SLC25A25: variants seen among roughly 807,000 people sequenced by gnomAD.
The protein encoded by SLC25A25 is solute carrier family 25 member 25.
A neutral mutation model predicts 57.7 loss-of-function variants in SLC25A25; 32 were observed. The observed-to-expected ratio is 0.55, with a 90% CI of 0.42 to 0.74. The LOEUF is 0.74. Ranked by LOEUF, SLC25A25 falls within the 30% of genes least tolerant of loss-of-function variation. The probability of loss-of-function intolerance (pLI) is 0.00; values close to 1 mark genes in which losing one functional copy is unlikely to be tolerated. For synonymous variants in SLC25A25, 306 were observed against 291.2 expected (o/e 1.05, Z -0.52); for missense variants, 556 against 701.3 (o/e 0.79, Z 2.34).
rs1351934722 is a variant in SLC25A25, at chr9:128,101,925, G to A, written c.477-155G>A. ...CGGTCTGAACACTGGCTGGTCCTCG[G>A]GGACAGCAGCCCTGGGCTCAGCTGC... On this transcript the variant is annotated intron_variant, in intron 3 of 10. Transcript: ENST00000373069. This position sits in a 1 kb window ranked among gnomAD's most constrained non-coding sequence, Gnocchi z 4.9. 6.6e-6 allele frequency among the ~76,000 whole-genome samples: 1 copy of A among 152,202 alleles called. No homozygotes were observed. The highest frequency in any genetic ancestry group is 2.1e-4 in the South Asian group (1 of 4,834).
Position 128,107,214 on chromosome 9 carries a change from G to A in SLC25A25, c.1363+35G>A, listed in dbSNP as rs372690584. The A allele has an allele frequency of 4.3e-5, 70 of 1,612,008 alleles. No individual in the cohort carries two copies. In the Admixed American group the frequency reaches 4.8e-4, roughly 11 times the overall value. On this transcript the variant is annotated intron_variant, in intron 10 of 10. Coordinates refer to ENST00000373069, the MANE Select transcript of SLC25A25 (RefSeq NM_001330988.2). ...GCCCTGGACAGTCCCCTGGGAGGTC[G>A]GGGGGAGCGGACAGAAGCATCTGAC...
Position 128,108,375 on chromosome 9 carries a change from T to C in SLC25A25, c.*931T>C, listed in dbSNP as rs1834136024. ...CCGGACAAATGAGCGACTTCTGTGC[T>C]TCCAGAGGAAGACGAGGGAGCAGGA... On this transcript the variant is annotated 3_prime_UTR_variant, in exon 11 of 11. Transcript: ENST00000373069. 6 of 397,784 alleles carry C rather than the reference T, an allele frequency of 1.5e-5. No homozygotes were observed. The South Asian group carries it at 5.7e-4, about 38-fold the overall frequency. 24.6% of individuals were successfully genotyped at this position (397,784 alleles called of 1,614,324 possible).
Position 128,068,305 on chromosome 9 carries a change from C to T in SLC25A25, c.-15C>T, listed in dbSNP as rs112610099. On this transcript the variant is annotated 5_prime_UTR_variant, in exon 1 of 11. Transcript: ENST00000373069. The stretch of plus-strand genomic sequence containing the variant: ...CCCGCTCCCGCCCGCGCCCGGAGCC[C>T]CTGCCTCGCGCCCGATGGTGAGCAG... The T allele has an allele frequency of 5.6e-5, 77 of 1,366,212 alleles. No individual in the cohort carries two copies. The highest frequency in any genetic ancestry group is 6.4e-5 in the Non-Finnish European group (68 of 1,058,304). The allele number at this position is 1,366,212 out of a possible 1,614,324, so 84.6% of individuals were successfully genotyped here.
chr9:128,091,974 C>T, intron 1 of SLC25A25: 3 of 1,613,956 alleles, frequency 1.9e-6, no homozygotes, highest in Middle Eastern at 1.6e-4. Context: ...ACCCCAGCCC[C>T]TGCCTGGAGA....
At chr9:128,098,823 A>T (rs969107891) in intron 1 of SLC25A25, 2 of 1,531,394 alleles carry the variant, frequency 1.3e-6, no homozygotes, top group Non-Finnish European at 1.8e-6. Context: ...CTGAGAGGAA[A>T]GAATGTCTGA....
intron 1 of SLC25A25, among the ~76,000 whole-genome samples, chr9:128,078,354 G>A (rs770930368): frequency 1.3e-5 from 2 of 151,856 alleles, no homozygotes; most frequent in Non-Finnish European, 2.9e-5. Flanking sequence ...AGGCAAGGGA[G>A]GGCAAAGCCT....
At position 128,092,214 on chromosome 9, in the gene SLC25A25, G is replaced by A. The variant is rs950876982; in HGVS notation, c.262-8882G>A. ...GTTAGTTCGGGGTTCAGGGAGAAGT[G>A]GTAGGCAATGAGGAAGCCCACAAAT... On this transcript the variant is annotated intron_variant, in intron 1 of 10. Transcript: ENST00000373069. 8.0e-6 allele frequency: 10 copies of A among 1,253,834 alleles called. No individual in the cohort carries two copies. In the Admixed American group the frequency reaches 1.1e-4, roughly 13 times the overall value. 77.7% of individuals were successfully genotyped at this position (1,253,834 alleles called of 1,614,324 possible). A position where few individuals can be genotyped will look rare whatever the true frequency, so the allele number is the denominator to read the frequency against.
Position 128,103,819 on chromosome 9 carries a change from A to G in SLC25A25, c.763A>G (p.Arg255Gly). The change falls in exon 6 of 11, where the codon AGG becomes GGG. Residue 255 changes from arginine (R) to glycine (G), a missense_variant. Coordinates refer to ENST00000373069, the MANE Select transcript of SLC25A25 (RefSeq NM_001330988.2). This position sits in a 1 kb window ranked among gnomAD's most constrained non-coding sequence, Gnocchi z 6.7. ...VSRTCTAPLD[R>G]LKVLMQVHAS... ...CAGAACCTGCACGGCCCCCCTGGAC[A>G]GGCTCAAGGTGCTCATGCAGGTATG... 1 of 1,605,004 alleles carries G rather than the reference A, an allele frequency of 6.2e-7. No homozygotes were observed. The highest frequency in any genetic ancestry group is 8.5e-7 in the Non-Finnish European group (1 of 1,175,326).
In SLC25A25 at chr9:128,106,139, C is replaced by T; in HGVS notation, c.937-11C>T. Reference sequence around the variant, plus strand: ...GGGTATATCAGGTGGTTTGTTTGTTCCTGGTTCTAGATCAAGCGCCTTGTT... The same window carrying T: ...GGGTATATCAGGTGGTTTGTTTGTTTCTGGTTCTAGATCAAGCGCCTTGTT... On this transcript the variant is annotated splice_polypyrimidine_tract_variant and intron_variant, in intron 7 of 10. Coordinates refer to ENST00000373069, the MANE Select transcript of SLC25A25 (RefSeq NM_001330988.2). 1.2e-6 allele frequency: 2 copies of T among 1,614,164 alleles called. No individual in the cohort carries two copies. Among genetic ancestry groups the T allele is most frequent in the Non-Finnish European group, 1.7e-6 (2 of 1,180,010 alleles).
chr9:128,102,242 T>C lies in SLC25A25; in HGVS notation c.512+127T>C. The C allele has an allele frequency of 1.4e-6, 2 of 1,404,802 alleles. No individual in the cohort carries two copies. The highest frequency in any genetic ancestry group is 1.2e-5 in the South Asian group (1 of 81,534). The allele number at this position is 1,404,802 out of a possible 1,614,324, so 87.0% of individuals were successfully genotyped here. On this transcript the variant is annotated intron_variant, in intron 4 of 10. Transcript: ENST00000373069. This position sits in a 1 kb window ranked among gnomAD's most constrained non-coding sequence, Gnocchi z 4.1. ...GTGTGGAGCCCCCTGCTCTTTCTCCTGGGGGCAGAGGCACCTCGTGTGGTT... is the reference window on the plus strand; with the variant it reads ...GTGTGGAGCCCCCTGCTCTTTCTCCCGGGGGCAGAGGCACCTCGTGTGGTT...
chr9:128,109,239 A>C lies in SLC25A25; in HGVS notation c.*1795A>C, dbSNP rs77244294. The C allele has an allele frequency of 1.3e-5, 2 of 152,610 alleles. No individual in the cohort carries two copies. Among genetic ancestry groups the C allele is most frequent in the Non-Finnish European group, 2.9e-5 (2 of 68,112 alleles). The allele number at this position is 152,610 out of a possible 1,614,324, so 9.5% of individuals were successfully genotyped here. On this transcript the variant is annotated 3_prime_UTR_variant, in exon 11 of 11. Transcript: ENST00000373069. ...GCAGCCTTCTAATAAAGTTGTTTCA[A>C]AGCTGATCATGGAGCCAGTATTTTT...
rs1383662269 is a variant in SLC25A25, at chr9:128,102,082, T to A, written c.479T>A (p.Ile160Lys). 1 of 1,550,604 alleles carries A rather than the reference T, an allele frequency of 6.4e-7. No homozygotes were observed. Residue 160 changes from isoleucine (I) to lysine (K), a missense_variant and splice_region_variant, in exon 4 of 11, where the codon ATA (isoleucine) becomes AAA (lysine). Physicochemically the swap from Ile to Lys is moderately radical, Grantham distance 102. Coordinates refer to ENST00000373069, the MANE Select transcript of SLC25A25 (RefSeq NM_001330988.2). This position sits in a 1 kb window ranked among gnomAD's most constrained non-coding sequence, Gnocchi z 4.1. Reference sequence around the variant, plus strand: ...CGCATCCTTTGTCTGTCTGTCAGAATACGAACGGGCCATTTCTGGGGCCCT... The same window carrying A: ...CGCATCCTTTGTCTGTCTGTCAGAAAACGAACGGGCCATTTCTGGGGCCCT... ...EQQAEKILKR[I>K]RTGHFWGPVT...
chr9:128,069,792 C>G (rs1832860463), intron 1 of SLC25A25, among the ~76,000 whole-genome samples: 1 of 152,194 alleles, frequency 6.6e-6, no homozygotes, highest in African/African-American at 2.4e-5. Flanking sequence ...GGTTCTGTCT[C>G]CCAGGCTGGA....
rs1294372988 is a variant in SLC25A25, at chr9:128,068,341, C to T, written c.22C>T (p.Arg8Cys). Reference protein sequence around the residue: MVSSVLCRCVASPPPDAA... With the variant: MVSSVLCCCVASPPPDAA... ...CCCGATGGTGAGCAGTGTGTTGTGC[C>T]GCTGTGTGGCCTCCCCGCCGCCGGA... Residue 8 changes from arginine to cysteine, a missense_variant, in exon 1 of 11, where the codon CGC becomes TGC. This residue lies in a region of SLC25A25 where 248 missense variants were observed against 273.5 expected (regional missense o/e 0.91). Coordinates refer to ENST00000373069, the MANE Select transcript of SLC25A25 (RefSeq NM_001330988.2). 6.5e-7 allele frequency: 1 copy of T among 1,531,590 alleles called. No homozygotes were observed. The highest frequency in any genetic ancestry group is 2.0e-5 in the Admixed American group (1 of 50,772). 94.9% of individuals were successfully genotyped at this position (1,531,590 alleles called of 1,614,324 possible).
At chr9:128,080,088 G>A (rs1406985627) in intron 1 of SLC25A25, among the ~76,000 whole-genome samples, 2 of 151,198 alleles carry the variant, frequency 1.3e-5, no homozygotes, top group Non-Finnish European at 3.0e-5. Flanking sequence ...AGGAGGGGCC[G>A]GGCATGGTGG....
In SLC25A25 at chr9:128,101,563, C is replaced by T. The variant is rs563469804; in HGVS notation, c.476+167C>T. 6.6e-6 allele frequency among the ~76,000 whole-genome samples: 1 copy of T among 152,354 alleles called. No homozygotes were observed. Among genetic ancestry groups the T allele is most frequent in the East Asian group, 1.9e-4 (1 of 5,190 alleles). On this transcript the variant is annotated intron_variant, in intron 3 of 10. Coordinates refer to ENST00000373069, the MANE Select transcript of SLC25A25 (RefSeq NM_001330988.2). This position sits in a 1 kb window ranked among gnomAD's most constrained non-coding sequence, Gnocchi z 4.9. ...GGAGGCCAGCCCCTCCCCAGGGTTG[C>T]AGGCCTGCTTTCATTGGAAGAATCA... is the stretch of plus-strand genomic sequence containing the variant.
rs10760538 is a variant in SLC25A25, at chr9:128,108,996, A to G, written c.*1552A>G. On this transcript the variant is annotated 3_prime_UTR_variant, in exon 11 of 11. Coordinates refer to ENST00000373069, the MANE Select transcript of SLC25A25 (RefSeq NM_001330988.2). Reference sequence around the variant, plus strand: ...CGGGGGCTGGAGGAGAGGGTGGGGGACTGGCTCCGTCCCTCCCAGCCTTCT... The same window carrying G: ...CGGGGGCTGGAGGAGAGGGTGGGGGGCTGGCTCCGTCCCTCCCAGCCTTCT... The G allele has an allele frequency of 0.99, 150,599 of 151,840 alleles. 74,694 individuals are homozygous for G. Among genetic ancestry groups the G allele is most frequent in the Middle Eastern group, 1 (294 of 294 alleles). The allele number at this position is 151,840 out of a possible 1,614,324, so 9.4% of individuals were successfully genotyped here.
rs571304232 is a variant in SLC25A25, at chr9:128,093,362, A to G, written c.262-7734A>G. Among the ~76,000 whole-genome samples, 6 of 152,318 alleles carry G rather than the reference A, an allele frequency of 3.9e-5. No individual in the cohort carries two copies. In the South Asian group the frequency reaches 1.2e-3, roughly 32 times the overall value. On this transcript the variant is annotated intron_variant, in intron 1 of 10. Transcript: ENST00000373069. The stretch of plus-strand genomic sequence containing the variant: ...CTTTGTGAGGAACTTTTATCTATAG[A>G]CCTGCTTGCCTTATTACTACCTCGA...
Position 128,091,635 on chromosome 9 carries a change from T to C in SLC25A25, c.262-9461T>C, listed in dbSNP as rs148678324. The C allele has an allele frequency of 1.2e-4, 141 of 1,192,880 alleles. No individual in the cohort carries two copies. The East Asian group carries it at 3.7e-3, about 31-fold the overall frequency. The allele number at this position is 1,192,880 out of a possible 1,614,324, so 73.9% of individuals were successfully genotyped here. A position where few individuals can be genotyped will look rare whatever the true frequency, so the allele number is the denominator to read the frequency against. On this transcript the variant is annotated intron_variant, in intron 1 of 10. Transcript: ENST00000373069. Reference sequence around the variant, plus strand: ...TATTGAAGAAGCTCCAGCTGCTTTCTCCTTATTGCCGGCAGCCTGGCAAGC... The same window carrying C: ...TATTGAAGAAGCTCCAGCTGCTTTCCCCTTATTGCCGGCAGCCTGGCAAGC...
Sources: gnomAD v4.1 joint callset for allele counts (sites outside exome capture counted in the v4.1 genomes callset) on GRCh38, gnomAD v4.1.1 for gene constraint, gnomAD v4.1.1 regional missense constraint, Gnocchi (gnomAD v3.1) non-coding constraint, MANE v1.5 for transcripts, NCBI Gene and HGNC (gene_info 2026-07-23, HGNC 2026-07-21) for gene names.